The following APP variants were observed in gnomAD, a reference collection of about 807,000 sequenced individuals.
APP encodes the protein amyloid-beta precursor protein.
Under a neutral mutation model 101.4 loss-of-function variants are expected in APP, and 31 were observed. The ratio of observed to expected loss-of-function variants is 0.31; its 90% CI spans 0.23 to 0.41. The LOEUF (loss-of-function observed/expected upper bound fraction) is 0.41. APP is among the 10% of genes least tolerant of loss of function. The pLI is 1.00. For synonymous variants in APP, 366 were observed against 364.4 expected (o/e 1.00, Z -0.05); for missense variants, 839 against 1,003.7 (o/e 0.84, Z 2.22).
chr21:25,910,079 A>T (rs2038989919), intron 14 of APP, among the ~76,000 whole-genome samples: 1 of 152,110 alleles, frequency 6.6e-6, no homozygotes, highest in Non-Finnish European at 1.5e-5. Flanking sequence ...TATTATATTT[A>T]GATTTAGTAC....
At chr21:25,966,434 A>C (rs190345846) in intron 11 of APP, among the ~76,000 whole-genome samples, 118 of 152,346 alleles carry the variant, frequency 7.7e-4, no homozygotes, top group Middle Eastern at 3.4e-3. Context: ...GCAATTATTT[A>C]CTTTTCTGAA....
intron 5 of APP, 152 bp from the exon 6 acceptor site, chr21:26,022,194 G>A (rs570890684): frequency 4.2e-6 from 4 of 944,810 alleles, no homozygotes; most frequent in Non-Finnish European, 6.7e-6. Context: ...CCAGCTCAGT[G>A]GGTCTGCAAA....
At chr21:26,086,236 C>T (rs2146097863) in intron 3 of APP, among the ~76,000 whole-genome samples, 1 of 152,264 alleles carries the variant, frequency 6.6e-6, no homozygotes, top group East Asian at 1.9e-4. Flanking sequence ...ATGAATCTTA[C>T]CCTCTGGTTC....
At chr21:25,902,902 A>T (rs2038582623) in intron 15 of APP, among the ~76,000 whole-genome samples, 1 of 152,196 alleles carries the variant, frequency 6.6e-6, no homozygotes, top group African/African-American at 2.4e-5. Flanking sequence ...ATCTTTGTGA[A>T]ATCCCCAAGT....
chr21:26,124,436 C>T (rs1401746458), intron 1 of APP, among the ~76,000 whole-genome samples: 1 of 152,176 alleles, frequency 6.6e-6, no homozygotes, highest in African/African-American at 2.4e-5. Flanking sequence ...TGTTAATTTC[C>T]TAATTCTTTG....
At chr21:25,923,084 C>T (rs1289886471) in intron 13 of APP, among the ~76,000 whole-genome samples, 2 of 132,690 alleles carry the variant, frequency 1.5e-5, no homozygotes, top group Non-Finnish European at 3.2e-5. Context: ...CGCATACCTA[C>T]AACTATCTGA....
intron 2 of APP, among the ~76,000 whole-genome samples, chr21:26,099,899 A>G (rs2062021128): frequency 6.6e-6 from 1 of 152,230 alleles, no homozygotes; most frequent in Non-Finnish European, 1.5e-5. Context: ...GGGCGTTAGA[A>G]TATTTCCCAA....
intron 15 of APP, among the ~76,000 whole-genome samples, chr21:25,902,167 G>A (rs1487628000): frequency 6.6e-6 from 1 of 152,130 alleles, no homozygotes; most frequent in East Asian, 1.9e-4. Flanking sequence ...AAAGCACTGG[G>A]TGGGGGAAAA....
chr21:26,146,931 C>A (rs1002503222), intron 1 of APP, among the ~76,000 whole-genome samples: 9 of 150,682 alleles, frequency 6.0e-5, no homozygotes, highest in Non-Finnish European at 1.3e-4. Flanking sequence ...GTCAGATAAC[C>A]CAACACCATT....
chr21:25,907,332 A>C (rs1167361207), intron 14 of APP, among the ~76,000 whole-genome samples: 1 of 152,242 alleles, frequency 6.6e-6, no homozygotes, highest in Admixed American at 6.5e-5. Flanking sequence ...AGCAGACATT[A>C]AAAGTTTTTT....
Position 26,021,794 on chromosome 21 carries a change from T to C in APP, c.865+46A>G, listed in dbSNP as rs376112900. 1.9e-6 allele frequency: 3 copies of C among 1,605,726 alleles called. No individual in the cohort carries two copies. In the African/African-American group the frequency reaches 4.0e-5, roughly 21 times the overall value. On this transcript the variant is annotated intron_variant, in intron 6 of 17. Coordinates refer to ENST00000346798, the MANE Select transcript of APP (RefSeq NM_000484.4). Reference sequence around the variant, plus strand: ...ATATTTCCAACTCTGGTATTACGCTTTCTTTTCCTTGGGGGTGGGGGGAAT... The same window carrying C: ...ATATTTCCAACTCTGGTATTACGCTCTCTTTTCCTTGGGGGTGGGGGGAAT...
chr21:25,940,942 C>T (rs746930094), intron 13 of APP, among the ~76,000 whole-genome samples: 3 of 152,112 alleles, frequency 2.0e-5, no homozygotes, highest in Non-Finnish European at 2.9e-5. Context: ...TGATGCCAGG[C>T]GATGCTGATG....
rs538825882 is a variant in APP, at chr21:26,048,245, C to T, written c.662+2755G>A. On this transcript the variant is annotated intron_variant, in intron 5 of 17. Coordinates refer to ENST00000346798, the MANE Select transcript of APP (RefSeq NM_000484.4). The stretch of plus-strand genomic sequence containing the variant: ...GGCTGAGGCAGGAGAATCGCTTGAA[C>T]CCGGGAGGTGGAGGTTGCAGTGAGC... 6.8e-4 allele frequency among the ~76,000 whole-genome samples: 103 copies of T among 152,152 alleles called. 1 individual carries two copies. The Middle Eastern group carries it at 0.01, about 15-fold the overall frequency.
intron 9 of APP, among the ~76,000 whole-genome samples, chr21:25,981,711 G>GTT (rs11330953): frequency 2.4e-4 from 31 of 127,332 alleles, no homozygotes; most frequent in Non-Finnish European, 3.1e-4. Flanking sequence ...ACCAAAACAG[G>GTT]TTTTTTTTTT....
chr21:25,971,922 G>C (rs2146558004), intron 11 of APP, among the ~76,000 whole-genome samples: 1 of 152,220 alleles, frequency 6.6e-6, no homozygotes, highest in East Asian at 1.9e-4. Flanking sequence ...CTATGTGACA[G>C]AAAAAAGCTC....
chr21:26,103,892 G>A (rs530095144), intron 2 of APP, among the ~76,000 whole-genome samples: 1 of 152,358 alleles, frequency 6.6e-6, no homozygotes, highest in East Asian at 1.9e-4. Context: ...TTTGCCTACA[G>A]AAGCCACAGT....
intron 3 of APP, among the ~76,000 whole-genome samples, chr21:26,064,640 C>T (rs1420202897): frequency 4.6e-5 from 7 of 152,090 alleles, no homozygotes; most frequent in African/African-American, 9.7e-5. Flanking sequence ...TTGCAAAAGG[C>T]ATGTGGTCTC....
intron 13 of APP, among the ~76,000 whole-genome samples, chr21:25,930,600 A>ATT (rs2040104062): frequency 6.6e-6 from 1 of 151,814 alleles, no homozygotes; most frequent in Non-Finnish European, 1.5e-5. Context: ...ATATATATAT[A>ATT]TATGTAAAAT....
At chr21:25,891,934 G>A (rs969147992) in intron 16 of APP, 66 bp from the exon 17 acceptor site, 19 of 1,475,412 alleles carry the variant, frequency 1.3e-5, no homozygotes, top group Non-Finnish European at 1.6e-5. Flanking sequence ...ATTTATAAAC[G>A]CAATTAGAAG....
Sources: allele counts gnomAD v4.1 joint callset (sites outside exome capture counted in the v4.1 genomes callset), GRCh38; gene constraint gnomAD v4.1.1; transcripts MANE v1.5; gene names NCBI Gene and HGNC (gene_info 2026-07-23, HGNC 2026-07-21).